The following LPIN2 variants were observed in gnomAD, a reference collection of about 807,000 sequenced individuals.
LPIN2 encodes the protein phosphatidate phosphatase LPIN2.
Under a neutral mutation model 111.4 loss-of-function variants are expected in LPIN2, and 55 were observed. The ratio of observed to expected loss-of-function variants is 0.49; its 90% CI spans 0.40 to 0.62. The LOEUF (loss-of-function observed/expected upper bound fraction) is 0.62, where lower values mean the gene tolerates loss of function less well. LPIN2 is among the 20% of genes least tolerant of loss of function. The probability of loss-of-function intolerance (pLI) is 0.00; values close to 1 mark genes in which losing one functional copy is unlikely to be tolerated. For synonymous variants in LPIN2, 425 were observed against 414.0 expected, an observed-to-expected ratio of 1.03 and a Z score of -0.32; for missense variants, 992 against 1,112.1, an observed-to-expected ratio of 0.89 and a Z score of 1.54.
At chr18:2,981,227 GA>G (rs773755004) in intron 1 of LPIN2, among the ~76,000 whole-genome samples, 1 of 152,202 alleles carries the variant, frequency 6.6e-6, no homozygotes, top group Non-Finnish European at 1.5e-5. Flanking sequence ...CCTGGACCCT[GA>G]AAACCAGGGT....
At position 2,918,287 on chromosome 18, in the gene LPIN2, C is replaced by T. The variant is rs530776481; in HGVS notation, c.*2006G>A. ...GAGCTGTCAAGAAAAAGAAACTAGT[C>T]AAAAACTCTTTAAAGGACAACCTAA... On this transcript the variant is annotated 3_prime_UTR_variant, in exon 20 of 20. Coordinates refer to ENST00000677752, the MANE Select transcript of LPIN2 (RefSeq NM_001375808.2). 6.6e-6 allele frequency: 1 copy of T among 152,234 alleles called. No homozygotes were observed. The highest frequency in any genetic ancestry group is 1.9e-4 in the East Asian group (1 of 5,188). The allele number at this position is 152,234 out of a possible 1,614,324, so 9.4% of individuals were successfully genotyped here.
At chr18:2,960,174 ATGTGTGTGTGTGTGTGTGTG>A (rs59457524) in intron 2 of LPIN2, among the ~76,000 whole-genome samples, 2 of 136,542 alleles carry the variant, frequency 1.5e-5, no homozygotes, top group Non-Finnish European at 3.1e-5. Flanking sequence ...CGACTCAAAA[ATGTGTGTGTGTGTGTGTGTG>A]TGTGTGTGTG....
intron 1 of LPIN2, among the ~76,000 whole-genome samples, chr18:2,999,214 T>A (rs1167222935): frequency 1.3e-5 from 2 of 152,284 alleles, no homozygotes; most frequent in Middle Eastern, 3.4e-3. Flanking sequence ...GTGACCTTAT[T>A]TGGAAAGGGG....
intron 5 of LPIN2, 72 bp downstream of exon 5, chr18:2,940,533 A>G: frequency 4.6e-6 from 4 of 875,282 alleles, no homozygotes; most frequent in Non-Finnish European, 5.8e-6. Context: ...TCATTACTAC[A>G]GATTAACAGA....
Position 2,988,546 on chromosome 18 carries a change from T to C in LPIN2, c.-10+24541A>G, listed in dbSNP as rs371335609. Among the ~76,000 whole-genome samples, 10 of 152,244 alleles carry C rather than the reference T, an allele frequency of 6.6e-5. No individual in the cohort carries two copies. The East Asian group carries it at 1.2e-3, about 18-fold the overall frequency. On this transcript the variant is annotated intron_variant, in intron 1 of 19. Transcript: ENST00000677752. Reference sequence around the variant, plus strand: ...GATACTCAGCTTTATATGTAAGTTATATTCTACACATACAGATGAATCCAA... The same window carrying C: ...GATACTCAGCTTTATATGTAAGTTACATTCTACACATACAGATGAATCCAA...
intron 4 of LPIN2, among the ~76,000 whole-genome samples, chr18:2,941,874 AG>A (rs1468404446): frequency 6.6e-6 from 1 of 152,206 alleles, no homozygotes; most frequent in Admixed American, 6.5e-5. Context: ...CAGTGAGCGG[AG>A]ATCGCACCAC....
rs911087350 is a variant in LPIN2, at chr18:2,918,812, G to A, written c.*1481C>T. 1 of 152,192 alleles carries A rather than the reference G, an allele frequency of 6.6e-6. No individual in the cohort carries two copies. The highest frequency in any genetic ancestry group is 1.5e-5 in the Non-Finnish European group (1 of 68,038). 9.4% of individuals were successfully genotyped at this position (152,192 alleles called of 1,614,324 possible). A position where few individuals can be genotyped will look rare whatever the true frequency, so the allele number is the denominator to read the frequency against. ...CTATCTCTAGATCAGCATTATTTTA[G>A]GTGAAGCAAACTAAAACATGTAGAG... On this transcript the variant is annotated 3_prime_UTR_variant, in exon 20 of 20. Coordinates refer to ENST00000677752, the MANE Select transcript of LPIN2 (RefSeq NM_001375808.2).
intron 1 of LPIN2, among the ~76,000 whole-genome samples, chr18:2,969,154 G>A (rs1336626733): frequency 1.3e-5 from 2 of 152,216 alleles, no homozygotes; most frequent in South Asian, 4.1e-4. Flanking sequence ...GCAAATTTCT[G>A]ACTGTTTTAA....
intron 1 of LPIN2, among the ~76,000 whole-genome samples, chr18:2,971,356 T>TG (rs751882162): frequency 6.6e-6 from 1 of 152,128 alleles, no homozygotes; most frequent in Non-Finnish European, 1.5e-5. Flanking sequence ...GGAGGATGTG[T>TG]GGGCTCAGCG....
intron 14 of LPIN2, among the ~76,000 whole-genome samples, chr18:2,924,914 A>T (rs942858254): frequency 6.6e-6 from 1 of 152,188 alleles, no homozygotes; most frequent in Non-Finnish European, 1.5e-5. Flanking sequence ...CTAAAATGTC[A>T]TTTCTCTATT....
chr18:2,927,894 C>A, intron 11 of LPIN2, 83 bp from the exon 12 acceptor site: 1 of 1,127,370 alleles, frequency 8.9e-7, no homozygotes, highest in Non-Finnish European at 1.4e-6. Flanking sequence ...AAGGACGGGG[C>A]CTTACTATGG....
At chr18:2,945,500 T>C (rs1163520662) in intron 4 of LPIN2, 7 of 942,714 alleles carry the variant, frequency 7.4e-6, no homozygotes, top group African/African-American at 4.9e-5. Context: ...CTTCACACAG[T>C]ATTAAAAATT....
intron 1 of LPIN2, among the ~76,000 whole-genome samples, chr18:3,012,114 A>G (rs1486419825): frequency 3.3e-5 from 5 of 152,224 alleles, no homozygotes; most frequent in Non-Finnish European, 5.9e-5. Context: ...AACACCCATC[A>G]TCACTACTGG....
At chr18:2,934,309 A>G (rs763118105) in intron 8 of LPIN2, 42 bp downstream of exon 8, 2 of 1,306,350 alleles carry the variant, frequency 1.5e-6, no homozygotes, top group Non-Finnish European at 2.2e-6. Context: ...AAATAACTAG[A>G]CTATTTCAGA....
At chr18:2,998,517 G>A (rs570087364) in intron 1 of LPIN2, among the ~76,000 whole-genome samples, 2 of 152,272 alleles carry the variant, frequency 1.3e-5, no homozygotes, top group South Asian at 4.1e-4. Context: ...ATATTCTAAT[G>A]TGGGGAGGGA....
chr18:2,971,297 A>T (rs1156364879), intron 1 of LPIN2, among the ~76,000 whole-genome samples: 3 of 152,196 alleles, frequency 2.0e-5, no homozygotes, highest in South Asian at 4.1e-4. Flanking sequence ...CATCCACAAC[A>T]GATTGTGAAT....
intron 1 of LPIN2, among the ~76,000 whole-genome samples, chr18:2,968,603 G>C (rs2077848510): frequency 6.6e-6 from 1 of 151,988 alleles, no homozygotes; most frequent in Non-Finnish European, 1.5e-5. Context: ...GTTAGGTAAG[G>C]CTTCAAGCAG....
chr18:2,988,928 C>A (rs1165458815), intron 1 of LPIN2, among the ~76,000 whole-genome samples: 2 of 152,148 alleles, frequency 1.3e-5, no homozygotes, highest in South Asian at 4.1e-4. Flanking sequence ...GCCTTTGCAA[C>A]AAATTAATTG....
At chr18:2,932,441 G>C (rs2144167628) in intron 8 of LPIN2, among the ~76,000 whole-genome samples, 1 of 152,248 alleles carries the variant, frequency 6.6e-6, no homozygotes, top group South Asian at 2.1e-4. Flanking sequence ...TTTCCCATTT[G>C]AATCAACAAA....
Sources: allele counts gnomAD v4.1 joint callset (sites outside exome capture counted in the v4.1 genomes callset), GRCh38; gene constraint gnomAD v4.1.1; transcripts MANE v1.5; gene names NCBI Gene and HGNC (gene_info 2026-07-23, HGNC 2026-07-21).